Variants in PON3 observed in about 807,000 individuals in gnomAD.
PON3 encodes the protein paraoxonase 3, also known as serum paraoxonase/lactonase 3.
A neutral mutation model predicts 36.3 loss-of-function variants in PON3; 37 were observed. The observed-to-expected ratio is 1.02, with a 90% CI of 0.78 to 1.34. The LOEUF is 1.34. Among genes scored for constraint, PON3 ranks in the 40% most tolerant of loss-of-function variants. PON3 has a pLI of 0.00. For synonymous variants in PON3, 155 were observed against 154.8 expected (o/e 1.00, Z -0.01); for missense variants, 415 against 426.5 (o/e 0.97, Z 0.24).
chr7:95,384,255 A>G (rs1809134797), intron 3 of PON3, among the ~76,000 whole-genome samples: 2 of 152,228 alleles, frequency 1.3e-5, no homozygotes, highest in Non-Finnish European at 2.9e-5. Flanking sequence ...AAAACCCTAG[A>G]AGAAAACCTA....
chr7:95,385,828 T>C (rs151088091), intron 3 of PON3, among the ~76,000 whole-genome samples: 40 of 152,084 alleles, frequency 2.6e-4, no homozygotes, highest in Admixed American at 1.5e-3. Flanking sequence ...GGGTAAATAA[T>C]GAAATGAAGG....
rs1165916552 is a variant in PON3, at chr7:95,372,188, T to C, written c.352A>G (p.Ile118Val). 5.0e-6 allele frequency: 8 copies of C among 1,613,582 alleles called. No homozygotes were observed. ...CAGGTTTTACCTTTGTCGATGAAAA[T>C]ACTGATCCCATGTGGATTAAATAAT... is the stretch of plus-strand genomic sequence containing the variant. ...KELFNPHGIS[I>V]FIDKDNTVYL... is the part of the protein sequence containing the mutation. Residue 118 changes from isoleucine to valine, a missense_variant, in exon 4 of 9, where the codon ATT becomes GTT. By Grantham distance (29) the Ile-to-Val change is conservative. Coordinates refer to ENST00000265627, the MANE Select transcript of PON3 (RefSeq NM_000940.3).
chr7:95,363,475 C>T, intron 6 of PON3: 1 of 256,848 alleles, frequency 3.9e-6, no homozygotes, highest in East Asian at 9.5e-5. Flanking sequence ...TCTAAGGTAG[C>T]CTTCCCTCTC....
chr7:95,389,089 TA>T (rs1198219099), intron 3 of PON3, among the ~76,000 whole-genome samples: 4 of 151,344 alleles, frequency 2.6e-5, no homozygotes, highest in East Asian at 1.9e-4. Flanking sequence ...AAAAGTATAA[TA>T]AAAAAAAATC....
rs747121811 is a variant in PON3 at position 95,364,091 on chromosome 7, G to C, written c.495-28C>G. On this transcript the variant is annotated intron_variant, in intron 5 of 8. Coordinates refer to ENST00000265627, the MANE Select transcript of PON3 (RefSeq NM_000940.3). ...AAAGTGAAAGGGAGGTGGAAAAAGA[G>C]ACCCATGAGGTATTTAAATATCCTT... 18 of 1,546,142 alleles carry C rather than the reference G, an allele frequency of 1.2e-5. No individual in the cohort carries two copies. The South Asian group carries it at 2.0e-4, about 17-fold the overall frequency.
chr7:95,396,313 C>T lies in PON3; in HGVS notation c.38G>A (p.Gly13Asp), dbSNP rs1809432754. The T allele has an allele frequency of 4.3e-6, 7 of 1,614,052 alleles. No individual in the cohort carries two copies. Among genetic ancestry groups the T allele is most frequent in the Non-Finnish European group, 5.9e-6 (7 of 1,179,990 alleles). Reference protein sequence around the residue: ...KLVALVLLGVGLSLVGEMFLA... With the variant: ...KLVALVLLGVDLSLVGEMFLA... ...GAACATCTCCCCGACTAAGGACAGG[C>T]CGACCCCCAGCAGGACCAGCGCCAC... The change falls in exon 1 of 9, where the codon GGC becomes GAC. Residue 13 changes from glycine to aspartate, a missense_variant. Physicochemically the swap from Gly to Asp is moderately conservative, Grantham distance 94. Coordinates refer to ENST00000265627, the MANE Select transcript of PON3 (RefSeq NM_000940.3).
chr7:95,369,423 T>C (rs1043996588), intron 4 of PON3, among the ~76,000 whole-genome samples: 12 of 152,156 alleles, frequency 7.9e-5, no homozygotes, highest in Admixed American at 6.5e-4. Flanking sequence ...GAACTTGCTA[T>C]AGAGCAAGAG....
In PON3 at chr7:95,360,092, C is replaced by T. The variant is rs1387612604; in HGVS notation, c.946G>A (p.Val316Met). The T allele has an allele frequency of 3.1e-6, 5 of 1,613,664 alleles. No individual in the cohort carries two copies. In the East Asian group the frequency reaches 8.9e-5, roughly 29 times the overall value. Reference protein sequence around the residue: ...IQNVLSEKPRVSTVYANNGSV... With the variant: ...IQNVLSEKPRMSTVYANNGSV... ...CCATTGTTGGCATACACGGTGCTCACCCTGGGCTTCTCAGACAAAACATTC... is the reference window on the plus strand; with the variant it reads ...CCATTGTTGGCATACACGGTGCTCATCCTGGGCTTCTCAGACAAAACATTC... The change falls in exon 9 of 9, where the codon GTG becomes ATG. Residue 316 changes from valine to methionine, a missense_variant. Physicochemically the swap from Val to Met is conservative, Grantham distance 21 (BLOSUM62 1). Coordinates refer to ENST00000265627, the MANE Select transcript of PON3 (RefSeq NM_000940.3).
Position 95,359,999 on chromosome 7 carries a change from G to A in PON3, c.1039C>T (p.His347Tyr). The A allele has an allele frequency of 1.2e-6, 2 of 1,604,020 alleles. No homozygotes were observed. Among genetic ancestry groups the A allele is most frequent in the South Asian group, 1.1e-5 (1 of 90,788 alleles). Residue 347 changes from histidine to tyrosine, a missense_variant, in exon 9 of 9, where the codon CAC (histidine) becomes TAC (tyrosine). His to Tyr is a moderately conservative substitution (Grantham distance 83). Coordinates refer to ENST00000265627, the MANE Select transcript of PON3 (RefSeq NM_000940.3). ...HGKILIGTVF[H>Y]KTLYCEL ...TAGAGCTCACAGTACAGAGTTTTGTGAAATACGGTGCCTATGAGAATTTTC... is the reference window on the plus strand; with the variant it reads ...TAGAGCTCACAGTACAGAGTTTTGTAAAATACGGTGCCTATGAGAATTTTC...
intron 3 of PON3, among the ~76,000 whole-genome samples, chr7:95,388,341 C>T (rs1809247169): frequency 6.6e-6 from 1 of 152,152 alleles, no homozygotes; most frequent in African/African-American, 2.4e-5. Context: ...TGAATAAATG[C>T]TCATCATCAC....
At chr7:95,364,929 A>C (rs917338814) in intron 5 of PON3, 1 of 152,216 alleles carries the variant, frequency 6.6e-6, no homozygotes, top group Non-Finnish European at 1.5e-5. Context: ...ACTTGAAAAA[A>C]TAATGCTTAA....
At chr7:95,384,904 G>C (rs1023378400) in intron 3 of PON3, among the ~76,000 whole-genome samples, 11 of 152,116 alleles carry the variant, frequency 7.2e-5, no homozygotes, top group African/African-American at 2.7e-4. Context: ...ACATGCACAC[G>C]TATGTTTATT....
chr7:95,359,925 T>A lies in PON3; in HGVS notation c.*48A>T. ...ACTTATCATACAATTATCAGTTTAC[T>A]TTTACAAAATATGTAGACTTTTTTT... On this transcript the variant is annotated 3_prime_UTR_variant, in exon 9 of 9. Transcript: ENST00000265627. 1 of 1,570,728 alleles carries A rather than the reference T, an allele frequency of 6.4e-7. No homozygotes were observed. The highest frequency in any genetic ancestry group is 8.7e-7 in the Non-Finnish European group (1 of 1,153,068).
intron 5 of PON3, 84 bp downstream of exon 5, chr7:95,367,278 A>T: frequency 1.3e-6 from 2 of 1,518,148 alleles, no homozygotes; most frequent in Non-Finnish European, 1.8e-6. Flanking sequence ...ACAAAAGTTT[A>T]AGAAAGCCTG....
chr7:95,366,984 C>T (rs556432581), intron 5 of PON3, among the ~76,000 whole-genome samples: 35 of 152,308 alleles, frequency 2.3e-4, no homozygotes, highest in Non-Finnish European at 4.7e-4. Context: ...TTGGTTATAA[C>T]ACCCAGTGGG....
At chr7:95,364,332 A>G in intron 5 of PON3, 1 of 484,216 alleles carries the variant, frequency 2.1e-6, no homozygotes, top group Admixed American at 3.3e-5. Context: ...CAAACCCCAA[A>G]ATCTGTTGAC....
intron 3 of PON3, among the ~76,000 whole-genome samples, chr7:95,378,777 C>G (rs1195580397): frequency 2.0e-5 from 3 of 152,146 alleles, no homozygotes; most frequent in Non-Finnish European, 2.9e-5. Flanking sequence ...AAGGAACAAC[C>G]AGTACCAGCC....
In PON3 at chr7:95,367,348, C is replaced by T. The variant is rs767196781; in HGVS notation, c.494+14G>A. On this transcript the variant is annotated intron_variant, in intron 5 of 8. Transcript: ENST00000265627. ...GCAAAGTAAATAGAACCGCACAATA[C>T]TTTCATTCCATACCTTTTGAGAAGT... 7 of 1,610,506 alleles carry T rather than the reference C, an allele frequency of 4.3e-6. No homozygotes were observed. In the South Asian group the frequency reaches 5.5e-5, roughly 13 times the overall value.
chr7:95,385,389 T>A (rs1443232080), intron 3 of PON3, among the ~76,000 whole-genome samples: 1 of 151,782 alleles, frequency 6.6e-6, no homozygotes, highest in Non-Finnish European at 1.5e-5. Context: ...TATACATGCA[T>A]CCAATACAGG....
Sources: allele counts gnomAD v4.1 joint callset (sites outside exome capture counted in the v4.1 genomes callset), GRCh38; gene constraint gnomAD v4.1.1; transcripts MANE v1.5; gene names NCBI Gene and HGNC (gene_info 2026-07-23, HGNC 2026-07-21).